The following ANXA2 variants were observed in gnomAD, a reference collection of about 807,000 sequenced individuals.
ANXA2 encodes the protein annexin II.
In ANXA2, 28 loss-of-function variants were observed where a neutral mutation model predicts 47.3. The observed-to-expected ratio is 0.59, with a 90% CI of 0.44 to 0.81. The LOEUF (loss-of-function observed/expected upper bound fraction) is 0.81, where lower values mean the gene tolerates loss of function less well. ANXA2 is among the 40% of genes least tolerant of loss of function. ANXA2 has a pLI of 0.00. For missense variants in ANXA2, 384 were observed against 414.3 expected (o/e 0.93, Z 0.64); for synonymous variants, 172 against 155.5 (o/e 1.11, Z -0.79).
chr15:60,397,835 G>C, intron 1 of ANXA2, 108 bp downstream of exon 1: 1 of 1,368,528 alleles, frequency 7.3e-7, no homozygotes, highest in Non-Finnish European at 9.4e-7. Flanking sequence ...GACGGCCTCC[G>C]GGGCCAGTTG....
chr15:60,397,874 T>C, intron 1 of ANXA2, 69 bp downstream of exon 1: 1 of 1,381,818 alleles, frequency 7.2e-7, no homozygotes, highest in Non-Finnish European at 9.4e-7. Context: ...GCCGTACCCT[T>C]CTTCCCAGCG....
chr15:60,360,830 G>A (rs1037292455), intron 5 of ANXA2, 111 bp downstream of exon 5: 3 of 702,344 alleles, frequency 4.3e-6, no homozygotes, highest in Admixed American at 5.1e-5. Context: ...TTAAAAAATG[G>A]TTCCAAATGA....
intron 7 of ANXA2, among the ~76,000 whole-genome samples, chr15:60,354,720 C>T (rs975551454): frequency 6.6e-6 from 1 of 151,982 alleles, no homozygotes; most frequent in Non-Finnish European, 1.5e-5. Flanking sequence ...GGGGGCTGTG[C>T]CTTGCCATCA....
At chr15:60,359,255 G>A (rs1309290944) in intron 5 of ANXA2, among the ~76,000 whole-genome samples, 3 of 152,130 alleles carry the variant, frequency 2.0e-5, no homozygotes, top group Non-Finnish European at 4.4e-5. Flanking sequence ...GCTCAAAAAG[G>A]TCTGTTTCAA....
At chr15:60,371,300 T>C (rs968227899) in intron 3 of ANXA2, among the ~76,000 whole-genome samples, 5 of 152,170 alleles carry the variant, frequency 3.3e-5, no homozygotes, top group African/African-American at 9.7e-5. Context: ...CGGGGAGGTG[T>C]TGCTGACAGC....
chr15:60,381,856 G>A (rs2062864506), intron 3 of ANXA2, among the ~76,000 whole-genome samples: 1 of 152,134 alleles, frequency 6.6e-6, no homozygotes, highest in Non-Finnish European at 1.5e-5. Context: ...CTTCCTTGCA[G>A]AAGAGGGACT....
At chr15:60,357,350 C>CT in intron 5 of ANXA2, 114 bp from the exon 6 acceptor site, 1 of 765,126 alleles carries the variant, frequency 1.3e-6, no homozygotes, top group Non-Finnish European at 2.2e-6. Flanking sequence ...TAGCATCCTG[C>CT]TTTCTACATT....
chr15:60,390,311 T>A (rs2062991067), intron 1 of ANXA2: 1 of 1,052,978 alleles, frequency 9.5e-7, no homozygotes, highest in African/African-American at 1.7e-5. Flanking sequence ...TGGCAAACAT[T>A]TTCACCCTAG....
chr15:60,396,963 T>C (rs556385428), intron 1 of ANXA2, among the ~76,000 whole-genome samples: 2 of 152,364 alleles, frequency 1.3e-5, no homozygotes, highest in East Asian at 3.9e-4. Flanking sequence ...TACACATTTA[T>C]TACCTAATGA....
intron 1 of ANXA2, chr15:60,393,098 A>G: frequency 7.8e-7 from 1 of 1,287,584 alleles, no homozygotes; most frequent in Admixed American, 2.3e-5. Flanking sequence ...ACTGAGTCAC[A>G]GGGCCAACTC....
Position 60,352,576 on chromosome 15 carries a change from G to A in ANXA2, c.589-100C>T. ...ACAAAAAAAGCTACACATTCAAAAT[G>A]CCAAACGAGGAAAGATGATTATACT... On this transcript the variant is annotated intron_variant, in intron 8 of 12. Transcript: ENST00000451270. The surrounding 1 kb of genome is among the most constrained non-coding windows in gnomAD (Gnocchi z 4.2). 1.2e-6 allele frequency: 1 copy of A among 805,470 alleles called. No individual in the cohort carries two copies. The allele number at this position is 805,470 out of a possible 1,614,324, so 49.9% of individuals were successfully genotyped here.
chr15:60,367,284 G>C (rs1383640697), intron 3 of ANXA2, among the ~76,000 whole-genome samples: 1 of 121,652 alleles, frequency 8.2e-6, no homozygotes, highest in Non-Finnish European at 1.8e-5. Context: ...TCAGCCCCCC[G>C]CCCGGCCAGC....
At chr15:60,353,351 C>A (rs1383162862) in intron 8 of ANXA2, among the ~76,000 whole-genome samples, 1 of 152,164 alleles carries the variant, frequency 6.6e-6, no homozygotes, top group Admixed American at 6.5e-5. Context: ...TTCTCCCCCA[C>A]CACAACAGAG....
At chr15:60,394,096 T>C (rs115103921) in intron 1 of ANXA2, among the ~76,000 whole-genome samples, 1,529 of 152,228 alleles carry the variant, frequency 0.01, 29 homozygotes, top group African/African-American at 0.036. Context: ...CATATAGCCA[T>C]GCCCCCCACC....
At chr15:60,349,324 A>C in intron 11 of ANXA2, 127 bp from the exon 12 acceptor site, 1 of 955,966 alleles carries the variant, frequency 1.0e-6, no homozygotes, top group East Asian at 2.6e-5. Context: ...AAACTTTTTC[A>C]GTGCCGACAT....
intron 3 of ANXA2, among the ~76,000 whole-genome samples, chr15:60,371,197 T>G (rs948567838): frequency 2.0e-5 from 3 of 152,188 alleles, no homozygotes; most frequent in Non-Finnish European, 2.9e-5. Flanking sequence ...TACAACAATA[T>G]TTTCAACACC....
At chr15:60,384,325 A>C (rs1208247681) in intron 2 of ANXA2, 1 of 152,236 alleles carries the variant, frequency 6.6e-6, no homozygotes, top group African/African-American at 2.4e-5. Flanking sequence ...CAAAAACAAC[A>C]GTGAGGGGGA....
At chr15:60,392,942 TAAA>T (rs60755565) in intron 1 of ANXA2, 190,686 of 908,130 alleles carry the variant, frequency 0.21, 125 homozygotes, top group South Asian at 0.28. Flanking sequence ...AATTTTAAAC[TAAA>T]AAAAAAAAAA....
At chr15:60,359,506 A>G (rs2062480625) in intron 5 of ANXA2, among the ~76,000 whole-genome samples, 1 of 152,176 alleles carries the variant, frequency 6.6e-6, no homozygotes, top group Non-Finnish European at 1.5e-5. Flanking sequence ...TTTCTGCAGT[A>G]CAGTCTACTT....
Sources: gnomAD v4.1 joint callset for allele counts (sites outside exome capture counted in the v4.1 genomes callset) on GRCh38, gnomAD v4.1.1 for gene constraint, Gnocchi (gnomAD v3.1) non-coding constraint, MANE v1.5 for transcripts, NCBI Gene and HGNC (gene_info 2026-07-23, HGNC 2026-07-21) for gene names.